The following SMUG1 variants were observed in gnomAD, a reference collection of about 807,000 sequenced individuals.
SMUG1 encodes the protein single-strand-selective monofunctional uracil-DNA glycosylase 1, also known as single-strand selective monofunctional uracil DNA glycosylase.
SMUG1 carries 13 observed loss-of-function variants against 23.9 expected under a neutral mutation model. The observed-to-expected ratio is 0.54, with a 90% CI of 0.35 to 0.86. SMUG1 has a LOEUF of 0.86. Among genes scored for constraint, SMUG1 ranks in the 40% least tolerant of loss-of-function variants. The pLI is 0.01. For missense variants in SMUG1, 313 were observed against 339.5 expected, an observed-to-expected ratio of 0.92 and a Z score of 0.61; for synonymous variants, 133 against 139.8, an observed-to-expected ratio of 0.95 and a Z score of 0.34.
rs747930942 is a variant in SMUG1 at position 54,182,297 on chromosome 12, C to A, written c.612G>T (p.Leu204=). 2.0e-5 allele frequency: 33 copies of A among 1,613,144 alleles called. No homozygotes were observed. The highest frequency in any genetic ancestry group is 5.0e-5 in the Admixed American group (3 of 59,968). The change falls in exon 4 of 4, where the codon CTG becomes CTT. Residue 204 remains leucine (L), a synonymous_variant. Transcript: ENST00000682136. Reference sequence around the variant, plus strand: ...CTCCCACCACCAGCCGCACCCCCAGCAGCTGCACCTGCCGGCAGAGGGCTG... The same window carrying A: ...CTCCCACCACCAGCCGCACCCCCAGAAGCTGCACCTGCCGGCAGAGGGCTG... The part of the protein sequence containing the change: ...CDAALCRQVQ[L]LGVRLVVGVG...
rs1490928006 is a variant in SMUG1, at chr12:54,182,484, C to A, written c.425G>T (p.Trp142Leu). 6.2e-7 allele frequency: 1 copy of A among 1,614,034 alleles called. No homozygotes were observed. The highest frequency in any genetic ancestry group is 8.5e-7 in the Non-Finnish European group (1 of 1,179,998). The stretch of plus-strand genomic sequence containing the variant: ...TCCACAGAGGTTCCGGAAAAAGCCC[C>A]AGAATCGGGCACCACTCACTTCTGA... ...PQSEVSGARFWGFFRNLCGQP... is the reference protein window; with the variant it reads ...PQSEVSGARFLGFFRNLCGQP... The change falls in exon 4 of 4, where the codon TGG (tryptophan) becomes TTG (leucine). Residue 142 changes from tryptophan to leucine, a missense_variant. By Grantham distance (61) the Trp-to-Leu change is moderately conservative. Coordinates refer to ENST00000682136, the MANE Select transcript of SMUG1 (RefSeq NM_001243787.2).
chr12:54,161,485 G>A (rs925445903), downstream of SMUG1, among the ~76,000 whole-genome samples: 13 of 152,180 alleles, frequency 8.5e-5, no homozygotes, highest in Non-Finnish European at 7.4e-5. The surrounding 1 kb of genome is among the most constrained non-coding windows in gnomAD (Gnocchi z 4.2). Flanking sequence ...GCTGGGCCTG[G>A]ACTTGCAGGA....
chr12:54,164,322 G>A (rs1313089627), downstream of SMUG1: 1 of 149,444 alleles, frequency 6.7e-6, no homozygotes, highest in African/African-American at 2.5e-5. Flanking sequence ...CAGGGAAACG[G>A]AAGGGGAAGA....
intron 2 of SMUG1, among the ~76,000 whole-genome samples, chr12:54,185,906 G>A (rs1942349261): frequency 6.6e-6 from 1 of 152,068 alleles, no homozygotes; most frequent in South Asian, 2.1e-4. Context: ...AGGGAAGAGA[G>A]AAGGGAGGTG....
chr12:54,182,439 T>G lies in SMUG1; in HGVS notation c.470A>C (p.His157Pro). ...GCATAGATTGTGGACAAAACAGTGA[T>G]GGAAGAAGACCTCAGGCTGTCCACA... is the stretch of plus-strand genomic sequence containing the variant. ...NLCGQPEVFF[H>P]HCFVHNLCPL... The change falls in exon 4 of 4, where the codon CAT (histidine) becomes CCT (proline). Residue 157 changes from histidine (H) to proline (P), a missense_variant. By Grantham distance (77) the His-to-Pro change is moderately conservative. Coordinates refer to ENST00000682136, the MANE Select transcript of SMUG1 (RefSeq NM_001243787.2). 2 of 1,614,116 alleles carry G rather than the reference T, an allele frequency of 1.2e-6. No individual in the cohort carries two copies. The highest frequency in any genetic ancestry group is 2.2e-5 in the South Asian group (2 of 91,082).
chr12:54,173,791 C>T (rs926193126), intron 2 of SMUG1, among the ~76,000 whole-genome samples: 4 of 150,352 alleles, frequency 2.7e-5, no homozygotes, highest in East Asian at 2.0e-4. Context: ...AGCTCCCCTT[C>T]GAGTCTGGGC....
intron 2 of SMUG1, chr12:54,175,235 C>T (rs1940724576): frequency 6.6e-6 from 1 of 152,240 alleles, no homozygotes; most frequent in African/African-American, 2.4e-5. Flanking sequence ...AGCTTCTCTA[C>T]CCCAGCTGTG....
At chr12:54,184,112 C>G in intron 2 of SMUG1, 153 bp from the exon 3 acceptor site, 1 of 558,358 alleles carries the variant, frequency 1.8e-6, no homozygotes, top group Non-Finnish European at 3.0e-6. Context: ...TAGGACTGAA[C>G]TCATCTCAGT....
At chr12:54,170,579 G>C (rs192869522) in intron 3 of SMUG1, among the ~76,000 whole-genome samples, 1 of 150,752 alleles carries the variant, frequency 6.6e-6, no homozygotes, top group East Asian at 1.9e-4. Flanking sequence ...TTTTTTTTTT[G>C]TACCTCCACA....
In SMUG1 at chr12:54,181,486, T is replaced by C; in HGVS notation, c.*610A>G. Reference sequence around the variant, plus strand: ...ATGAGGAGCCTGAGGCATAGAGAGGTTTATTAATTTGTCAATCAAAAAGTT... The same window carrying C: ...ATGAGGAGCCTGAGGCATAGAGAGGCTTATTAATTTGTCAATCAAAAAGTT... On this transcript the variant is annotated 3_prime_UTR_variant, in exon 4 of 4. Coordinates refer to ENST00000682136, the MANE Select transcript of SMUG1 (RefSeq NM_001243787.2). 7.1e-7 allele frequency: 1 copy of C among 1,410,648 alleles called. No individual in the cohort carries two copies. The allele number at this position is 1,410,648 out of a possible 1,614,324, so 87.4% of individuals were successfully genotyped here.
rs762304468 is a variant in SMUG1 at position 54,183,852 on chromosome 12, C to A, written c.89G>T (p.Ser30Ile). Residue 30 changes from serine (S) to isoleucine (I), a missense_variant, in exon 3 of 4, where the codon AGC becomes ATC. Transcript: ENST00000682136. ...GAGCCGAAGCTCCTCCTCCAGGAAGCTCTCAGCCAAGCTTCCAGGGCAGGG... is the reference window on the plus strand; with the variant it reads ...GAGCCGAAGCTCCTCCTCCAGGAAGATCTCAGCCAAGCTTCCAGGGCAGGG... The part of the protein sequence containing the change: ...PQPCPGSLAE[S>I]FLEEELRLNA... The A allele has an allele frequency of 6.2e-7, 1 of 1,613,360 alleles. No individual in the cohort carries two copies. Among genetic ancestry groups the A allele is most frequent in the Non-Finnish European group, 8.5e-7 (1 of 1,179,716 alleles).
In SMUG1 at chr12:54,181,804, G is replaced by A. The variant is rs533999149; in HGVS notation, c.*292C>T. The A allele has an allele frequency of 7.0e-7, 1 of 1,430,174 alleles. No homozygotes were observed. Among genetic ancestry groups the A allele is most frequent in the South Asian group, 1.5e-5 (1 of 64,558 alleles). 88.6% of individuals were successfully genotyped at this position (1,430,174 alleles called of 1,614,324 possible). A position where few individuals can be genotyped will look rare whatever the true frequency, so the allele number is the denominator to read the frequency against. On this transcript the variant is annotated 3_prime_UTR_variant, in exon 4 of 4. Coordinates refer to ENST00000682136, the MANE Select transcript of SMUG1 (RefSeq NM_001243787.2). ...TCTCCCAAGGAAACACTGAGGTAGA[G>A]CAGTCTGCAAGTGCAAAAGCACACC...
chr12:54,172,684 G>A (rs1278497093), intron 2 of SMUG1: 1 of 154,030 alleles, frequency 6.5e-6, no homozygotes, highest in Non-Finnish European at 1.4e-5. Context: ...TGCTCCTGCA[G>A]ACCTCCCAAA....
In SMUG1 at chr12:54,182,242, G is replaced by A. The variant is rs572374476; in HGVS notation, c.667C>T (p.Arg223Trp). 26 of 1,612,064 alleles carry A rather than the reference G, an allele frequency of 1.6e-5. 1 individual carries two copies. Among genetic ancestry groups the A allele is most frequent in the South Asian group, 1.1e-4 (10 of 90,906 alleles). ...TCTGGCATCAGGCCTGCCAGAGCCC[G>A]TCGTGCCCGCTGCTCTGCCAGTCGC... Reference protein sequence around the residue: ...VGRLAEQRARRALAGLMPEVQ... With the variant: ...VGRLAEQRARWALAGLMPEVQ... The change falls in exon 4 of 4, where the codon CGG becomes TGG. Residue 223 changes from arginine (R) to tryptophan (W), a missense_variant. Transcript: ENST00000682136.
chr12:54,178,936 C>T (rs886354741), downstream of SMUG1, among the ~76,000 whole-genome samples: 13 of 152,258 alleles, frequency 8.5e-5, no homozygotes, highest in East Asian at 9.6e-4. Context: ...GCTGCTAGGG[C>T]GGCTAGAAAA....
chr12:54,159,271 C>T (rs954456553), intron 4 of SMUG1, among the ~76,000 whole-genome samples: 6 of 152,200 alleles, frequency 3.9e-5, no homozygotes, highest in African/African-American at 1.2e-4. Context: ...AGTCCGTCCC[C>T]CAACAGGTAG....
In SMUG1 at chr12:54,182,054, T is replaced by C; in HGVS notation, c.*42A>G. 6.6e-7 allele frequency: 1 copy of C among 1,514,872 alleles called. No individual in the cohort carries two copies. Among genetic ancestry groups the C allele is most frequent in the Non-Finnish European group, 8.8e-7 (1 of 1,132,612 alleles). The allele number at this position is 1,514,872 out of a possible 1,614,324, so 93.8% of individuals were successfully genotyped here. A position where few individuals can be genotyped will look rare whatever the true frequency, so the allele number is the denominator to read the frequency against. On this transcript the variant is annotated 3_prime_UTR_variant, in exon 4 of 4. Transcript: ENST00000682136. ...TGTCATCTGCTTGGCCAAGAATGAC[T>C]TCGAGGTCTTGAATGTGTCCCATGC...
downstream of SMUG1, among the ~76,000 whole-genome samples, chr12:54,178,071 G>A (rs1162448210): frequency 2.0e-5 from 3 of 152,184 alleles, no homozygotes; most frequent in African/African-American, 7.2e-5. Context: ...TACATGCTCA[G>A]AAAAGGCTAT....
intron 2 of SMUG1, chr12:54,174,917 A>C (rs1217378527): frequency 6.6e-6 from 1 of 152,252 alleles, no homozygotes; most frequent in African/African-American, 2.4e-5. Context: ...CCTCAAATAC[A>C]TTATAATTCA....
Sources: allele counts gnomAD v4.1 joint callset (sites outside exome capture counted in the v4.1 genomes callset), GRCh38; gene constraint gnomAD v4.1.1; non-coding constraint Gnocchi (gnomAD v3.1); transcripts MANE v1.5; gene names NCBI Gene and HGNC (gene_info 2026-07-23, HGNC 2026-07-21).